The following SMAGP variants were observed in gnomAD, a reference collection of about 807,000 sequenced individuals.
SMAGP encodes small cell transmembrane and glycosylated protein.
In SMAGP, 7 loss-of-function variants were observed where a neutral mutation model predicts 10.1. The observed-to-expected ratio is 0.70, with a 90% CI of 0.40 to 1.31. The LOEUF is 1.31. SMAGP is among the 50% of genes most tolerant of loss of function. The pLI, the probability that SMAGP is intolerant of heterozygous loss-of-function variation, is 0.01. For synonymous variants in SMAGP, 49 were observed against 47.2 expected (o/e 1.04, Z -0.16); for missense variants, 113 against 116.5 (o/e 0.97, Z 0.14).
intron 2 of SMAGP, among the ~76,000 whole-genome samples, chr12:51,257,267 C>T (rs929096948): frequency 2.6e-5 from 4 of 152,084 alleles, no homozygotes; most frequent in African/African-American, 7.2e-5. Context: ...CACAGAGGGG[C>T]TGGGGGGCTG....
chr12:51,254,209 C>T (rs975354543), intron 2 of SMAGP, among the ~76,000 whole-genome samples: 1 of 152,126 alleles, frequency 6.6e-6, no homozygotes, highest in Admixed American at 6.6e-5. Context: ...AATTAAAAAA[C>T]CCTCTGTTTA....
chr12:51,247,990 C>CAGGGTAAGGGGTAAG (rs1944794883), intron 2 of SMAGP, among the ~76,000 whole-genome samples: 1 of 152,136 alleles, frequency 6.6e-6, no homozygotes, highest in Admixed American at 6.6e-5. Flanking sequence ...TAAGAGTTTA[C>CAGGGTAAGGGGTAAG]CGGGTAACAG....
Position 51,270,406 on chromosome 12 carries a change from T to A in SMAGP, c.-189A>T, listed in dbSNP as rs1378869349. ...GGAAGCCGCGGGTGGCGCGCGGGGT[T>A]GGCGCAGAGGCCGGAGGGGGTGGGG... On this transcript the variant is annotated 5_prime_UTR_variant, in exon 1 of 4. Coordinates refer to ENST00000603798, the MANE Select transcript of SMAGP (RefSeq NM_001031628.2). The A allele has an allele frequency of 4.1e-6, 1 of 242,376 alleles. No homozygotes were observed. Among genetic ancestry groups the A allele is most frequent in the Non-Finnish European group, 7.9e-6 (1 of 127,100 alleles). The allele number at this position is 242,376 out of a possible 1,614,324, so 15.0% of individuals were successfully genotyped here. A position where few individuals can be genotyped will look rare whatever the true frequency, so the allele number is the denominator to read the frequency against.
At chr12:51,249,302 AAGC>A (rs912945380) in intron 2 of SMAGP, among the ~76,000 whole-genome samples, 122 of 152,242 alleles carry the variant, frequency 8.0e-4, no homozygotes, top group African/African-American at 2.7e-3. Context: ...TTGAACTCCA[AAGC>A]AGGGGTTGGC....
chr12:51,250,374 C>T (rs950672681), intron 2 of SMAGP, among the ~76,000 whole-genome samples: 32 of 152,146 alleles, frequency 2.1e-4, no homozygotes, highest in African/African-American at 7.0e-4. Flanking sequence ...TAATGAGACC[C>T]TGTCTCAAAA....
At chr12:51,252,178 C>CT (rs1944845361) in intron 2 of SMAGP, among the ~76,000 whole-genome samples, 1 of 151,492 alleles carries the variant, frequency 6.6e-6, no homozygotes, top group Admixed American at 6.6e-5. Context: ...ACTGCAACCT[C>CT]TGTCTCCCAG....
At chr12:51,248,434 ACTCTCTCTCTCTCTCTCTCT>A (rs56012746) in intron 2 of SMAGP, among the ~76,000 whole-genome samples, 5 of 77,468 alleles carry the variant, frequency 6.5e-5, no homozygotes, top group African/African-American at 1.0e-4. Context: ...ACACACACAC[ACTCTCTCTCTCTCTCTCTCT>A]CTCTCTCTCT....
At chr12:51,259,867 C>A (rs982001417) in intron 2 of SMAGP, among the ~76,000 whole-genome samples, 6 of 152,028 alleles carry the variant, frequency 3.9e-5, no homozygotes, top group African/African-American at 1.4e-4. Context: ...GTGTGTGCCA[C>A]CATGCCTGGC....
chr12:51,246,268 C>T (rs1237944695), intron 3 of SMAGP, 149 bp from the exon 4 acceptor site: 3 of 1,132,544 alleles, frequency 2.6e-6, no homozygotes, highest in Non-Finnish European at 3.7e-6. Context: ...CATGTTCCCC[C>T]ACCAACCCCA....
chr12:51,247,860 C>T lies in SMAGP; in HGVS notation c.35-1029G>A, dbSNP rs562381067. On this transcript the variant is annotated intron_variant, in intron 2 of 3. Transcript: ENST00000603798. ...CCTCCACTGCACCCCACAGCTTGCA[C>T]GGTGAGGAGCTGCTGTAAGTGCACT... Among the ~76,000 whole-genome samples, 35 of 152,324 alleles carry T rather than the reference C, an allele frequency of 2.3e-4. No individual in the cohort carries two copies. The South Asian group carries it at 5.4e-3, about 23-fold the overall frequency.
chr12:51,258,507 G>A (rs1346628051), intron 2 of SMAGP, among the ~76,000 whole-genome samples: 1 of 151,746 alleles, frequency 6.6e-6, no homozygotes, highest in East Asian at 1.9e-4. Flanking sequence ...CAGGAGAATC[G>A]CTTGAACCTG....
At chr12:51,268,245 C>G (rs1040942542) in intron 2 of SMAGP, among the ~76,000 whole-genome samples, 1 of 152,112 alleles carries the variant, frequency 6.6e-6, no homozygotes, top group South Asian at 2.1e-4. Flanking sequence ...GTACTCAGTG[C>G]TAATAACCAA....
intron 2 of SMAGP, among the ~76,000 whole-genome samples, chr12:51,263,110 C>T (rs958636961): frequency 6.6e-6 from 1 of 152,004 alleles, no homozygotes; most frequent in African/African-American, 2.4e-5. Context: ...GAAAATTTAA[C>T]GGTGACTCAT....
chr12:51,270,050 C>G (rs556735731), intron 1 of SMAGP: 2 of 151,638 alleles, frequency 1.3e-5, no homozygotes, highest in South Asian at 4.1e-4. Context: ...CCCGAGCCCC[C>G]CGCGTTACCA....
chr12:51,256,128 T>C lies in SMAGP; in HGVS notation c.35-9297A>G, dbSNP rs1944882711. ...CTTTTGCAGCAGCTCAGTGAGAAAG[T>C]GGTGAGATTCTGAATATAATCTGAA... On this transcript the variant is annotated intron_variant, in intron 2 of 3. Coordinates refer to ENST00000603798, the MANE Select transcript of SMAGP (RefSeq NM_001031628.2). 2.0e-5 allele frequency among the ~76,000 whole-genome samples: 3 copies of C among 152,002 alleles called. No homozygotes were observed. In the South Asian group the frequency reaches 6.2e-4, roughly 32 times the overall value.
chr12:51,261,980 A>G lies in SMAGP; in HGVS notation c.34+7265T>C, dbSNP rs1326796661. Among the ~76,000 whole-genome samples, 4 of 151,932 alleles carry G rather than the reference A, an allele frequency of 2.6e-5. No individual in the cohort carries two copies. In the East Asian group the frequency reaches 7.7e-4, roughly 29 times the overall value. ...TGGCAGAGTGCAGTGGCTTACACCC[A>G]TAATCCCAGCACTTTTGGAGGCTGA... On this transcript the variant is annotated intron_variant, in intron 2 of 3. Coordinates refer to ENST00000603798, the MANE Select transcript of SMAGP (RefSeq NM_001031628.2).
At chr12:51,246,517 C>T (rs1300064485) in intron 3 of SMAGP, 8 of 448,924 alleles carry the variant, frequency 1.8e-5, no homozygotes, top group East Asian at 1.7e-4. Flanking sequence ...TCAAGTGTAA[C>T]GTCCGTATGC....
intron 2 of SMAGP, among the ~76,000 whole-genome samples, chr12:51,263,975 T>C (rs1166753223): frequency 1.3e-5 from 2 of 152,054 alleles, no homozygotes; most frequent in African/African-American, 4.8e-5. Context: ...CTTACACTGA[T>C]GCAGTTGTAA....
chr12:51,247,244 A>G (rs1944785580), intron 2 of SMAGP, among the ~76,000 whole-genome samples: 2 of 58,272 alleles, frequency 3.4e-5, no homozygotes, highest in African/African-American at 1.3e-4. Flanking sequence ...AGGAATGCAT[A>G]TTTTTACAAT....
Sources: gnomAD v4.1 joint callset for allele counts (sites outside exome capture counted in the v4.1 genomes callset) on GRCh38, gnomAD v4.1.1 for gene constraint, MANE v1.5 for transcripts, NCBI Gene and HGNC (gene_info 2026-07-23, HGNC 2026-07-21) for gene names.